GPR39: variants seen among roughly 807,000 people sequenced by gnomAD.
GPR39 encodes zinc sensing receptor.
Under a neutral mutation model 18.4 loss-of-function variants are expected in GPR39, and 23 were observed. That is an observed-to-expected ratio of 1.25 (90% CI 0.90 to 1.77). The LOEUF (loss-of-function observed/expected upper bound fraction) is 1.77. Ranked by LOEUF, GPR39 falls within the 40% of genes most tolerant of loss-of-function variation. The pLI is 0.00. For missense variants in GPR39, 647 were observed against 602.4 expected, an observed-to-expected ratio of 1.07 and a Z score of -0.78; for synonymous variants, 280 against 257.9, an observed-to-expected ratio of 1.09 and a Z score of -0.82.
chr2:132,467,215 A>G (rs1408329725), intron 1 of GPR39, among the ~76,000 whole-genome samples: 1 of 152,214 alleles, frequency 6.6e-6, no homozygotes. Flanking sequence ...TCATGGACCT[A>G]GCAGAGCACT....
intron 1 of GPR39, among the ~76,000 whole-genome samples, chr2:132,610,054 G>T (rs1681213526): frequency 6.6e-6 from 1 of 152,000 alleles, no homozygotes; most frequent in Non-Finnish European, 1.5e-5. Context: ...TCTGACTTTT[G>T]CAAGACTCGG....
chr2:132,563,109 G>A (rs564875596), intron 1 of GPR39, among the ~76,000 whole-genome samples: 1 of 152,280 alleles, frequency 6.6e-6, no homozygotes, highest in African/African-American at 2.4e-5. Flanking sequence ...CCAGGGATAA[G>A]GATACAACTA....
chr2:132,478,232 G>A (rs1168818604), intron 1 of GPR39, among the ~76,000 whole-genome samples: 1 of 152,212 alleles, frequency 6.6e-6, no homozygotes, highest in Non-Finnish European at 1.5e-5. Flanking sequence ...GAGGAGTTAT[G>A]TCTTATGTGA....
intron 1 of GPR39, among the ~76,000 whole-genome samples, chr2:132,514,164 G>A (rs570987477): frequency 3.3e-5 from 5 of 152,126 alleles, no homozygotes; most frequent in African/African-American, 1.2e-4. Context: ...GGCAGCACTG[G>A]TCCATCTGGC....
chr2:132,477,848 C>T (rs1162143478), intron 1 of GPR39, among the ~76,000 whole-genome samples: 1 of 152,140 alleles, frequency 6.6e-6, no homozygotes, highest in Non-Finnish European at 1.5e-5. Flanking sequence ...TCCTTTGTCT[C>T]ACAAAGAATT....
In GPR39 at chr2:132,491,249, C is replaced by T. The variant is rs1681454605; in HGVS notation, c.856+73351C>T. On this transcript the variant is annotated intron_variant, in intron 1 of 1. Transcript: ENST00000329321. ...GATTGAACTGATCATTCACAAGTGC[C>T]CAGCTTGAGAAGAGAAGAAATTCTT... Among the ~76,000 whole-genome samples, 4 of 152,038 alleles carry T rather than the reference C, an allele frequency of 2.6e-5. 1 individual carries two copies. The South Asian group carries it at 6.2e-4, about 24-fold the overall frequency.
In GPR39 at chr2:132,435,415, ACTTTCT is replaced by A. The variant is rs376398715; in HGVS notation, c.856+17526_856+17531del. 1.3e-3 allele frequency among the ~76,000 whole-genome samples: 193 copies of A among 152,316 alleles called. 1 individual carries two copies. Among genetic ancestry groups the A allele is most frequent in the Admixed American group, 2.5e-3 (38 of 15,302 alleles). On this transcript the variant is annotated intron_variant, in intron 1 of 1. Coordinates refer to ENST00000329321, the MANE Select transcript of GPR39 (RefSeq NM_001508.3). ...TTCTCTTCTCTATGATTGTCTAATA[ACTTTCT>A]CTTTCTCTAGCTTACTTTATGGTAT...
chr2:132,450,746 C>T (rs1427009297), intron 1 of GPR39, among the ~76,000 whole-genome samples: 1 of 152,204 alleles, frequency 6.6e-6, no homozygotes, highest in Non-Finnish European at 1.5e-5. Context: ...ACTCTGCCAG[C>T]CAACTGAGCT....
At chr2:132,482,495 C>T (rs1401414216) in intron 1 of GPR39, among the ~76,000 whole-genome samples, 1 of 152,100 alleles carries the variant, frequency 6.6e-6, no homozygotes, top group African/African-American at 2.4e-5. Context: ...ATGGTGGCTA[C>T]TGGGGGCATC....
At chr2:132,629,026 G>T (rs1681602789) in intron 1 of GPR39, among the ~76,000 whole-genome samples, 1 of 152,144 alleles carries the variant, frequency 6.6e-6, no homozygotes, top group Non-Finnish European at 1.5e-5. Context: ...GTTCTAAAAA[G>T]TTAGGGAGCC....
intron 1 of GPR39, among the ~76,000 whole-genome samples, chr2:132,430,525 A>G (rs1680207225): frequency 6.6e-6 from 1 of 152,196 alleles, no homozygotes. Context: ...TAAATAAAGA[A>G]CCAGATTTAT....
intron 1 of GPR39, among the ~76,000 whole-genome samples, chr2:132,550,418 C>T (rs10198735): frequency 0.33 from 50,309 of 151,922 alleles, 8,655 homozygotes; most frequent in African/African-American, 0.42. Flanking sequence ...CACACTTGCA[C>T]TCTGTGTTGC....
chr2:132,419,008 G>A (rs1032663317), intron 1 of GPR39, among the ~76,000 whole-genome samples: 4 of 152,306 alleles, frequency 2.6e-5, no homozygotes, highest in East Asian at 3.9e-4. Flanking sequence ...AAGGCACTTG[G>A]AGAATGATGG....
chr2:132,531,486 G>C (rs907568876), intron 1 of GPR39, among the ~76,000 whole-genome samples: 3 of 152,144 alleles, frequency 2.0e-5, no homozygotes, highest in African/African-American at 7.2e-5. Flanking sequence ...ATTGAACTCA[G>C]CTCTGCACCA....
At chr2:132,555,142 G>A (rs1191609588) in intron 1 of GPR39, among the ~76,000 whole-genome samples, 1 of 151,942 alleles carries the variant, frequency 6.6e-6, no homozygotes, top group Non-Finnish European at 1.5e-5. Flanking sequence ...TAGTAGAGAC[G>A]GGGTTTACCA....
At chr2:132,498,756 A>G (rs1573633132) in intron 1 of GPR39, among the ~76,000 whole-genome samples, 1 of 152,138 alleles carries the variant, frequency 6.6e-6, no homozygotes, top group African/African-American at 2.4e-5. Context: ...GATTATGGCC[A>G]TTCTTGCAGG....
chr2:132,417,023 G>A lies in GPR39; in HGVS notation c.-20G>A, dbSNP rs763287408. ...GAAGTTGAGAAAGTCTTTGGACCTG[G>A]TAGCCTGGTGCTCTTTCTCATGGCT... On this transcript the variant is annotated 5_prime_UTR_variant, in exon 1 of 2. Coordinates refer to ENST00000329321, the MANE Select transcript of GPR39 (RefSeq NM_001508.3). 6.2e-7 allele frequency: 1 copy of A among 1,608,512 alleles called. No individual in the cohort carries two copies. The highest frequency in any genetic ancestry group is 8.5e-7 in the Non-Finnish European group (1 of 1,176,350).
Position 132,444,737 on chromosome 2 carries a change from C to T in GPR39, c.856+26839C>T, listed in dbSNP as rs1680504270. 3.9e-5 allele frequency among the ~76,000 whole-genome samples: 6 copies of T among 152,220 alleles called. No individual in the cohort carries two copies. In the South Asian group the frequency reaches 1.2e-3, roughly 32 times the overall value. On this transcript the variant is annotated intron_variant, in intron 1 of 1. Transcript: ENST00000329321. ...ATCACCATTGATGAAGTGTCCAGAT[C>T]TATCAGCCACAAATGCTGTGAAGGA... is the stretch of plus-strand genomic sequence containing the variant.
intron 1 of GPR39, among the ~76,000 whole-genome samples, chr2:132,463,708 T>A (rs1399992263): frequency 6.6e-6 from 1 of 152,188 alleles, no homozygotes; most frequent in Non-Finnish European, 1.5e-5. Context: ...AGTTATGTAT[T>A]GCTATATAAC....
Sources: allele counts gnomAD v4.1 joint callset (sites outside exome capture counted in the v4.1 genomes callset), GRCh38; gene constraint gnomAD v4.1.1; transcripts MANE v1.5; gene names NCBI Gene and HGNC (gene_info 2026-07-23, HGNC 2026-07-21).